The following SAMD12 variants were observed in gnomAD, a reference collection of about 807,000 sequenced individuals.
SAMD12 encodes the protein sterile alpha motif domain-containing protein 12.
SAMD12 carries 9 observed loss-of-function variants against 15.0 expected under a neutral mutation model. The observed-to-expected ratio is 0.60, with a 90% CI of 0.36 to 1.05. The LOEUF (loss-of-function observed/expected upper bound fraction) is 1.05. Among genes scored for constraint, SAMD12 ranks in the 50% least tolerant of loss-of-function variants. SAMD12 has a pLI of 0.01. For missense variants in SAMD12, 230 were observed against 234.2 expected, an observed-to-expected ratio of 0.98 and a Z score of 0.12; for synonymous variants, 86 against 90.1, an observed-to-expected ratio of 0.96 and a Z score of 0.25.
At chr8:118,294,656 A>G (rs1405232478) in intron 4 of SAMD12, among the ~76,000 whole-genome samples, 2 of 152,252 alleles carry the variant, frequency 1.3e-5, no homozygotes, top group Non-Finnish European at 2.9e-5. Flanking sequence ...GAAAACATAA[A>G]AAGTAAAATA....
At chr8:118,359,671 C>T (rs1424752517) in intron 4 of SAMD12, among the ~76,000 whole-genome samples, 1 of 152,154 alleles carries the variant, frequency 6.6e-6, no homozygotes, top group South Asian at 2.1e-4. Flanking sequence ...AATTTAACTT[C>T]TGTGTGCCTC....
intron 1 of SAMD12, among the ~76,000 whole-genome samples, chr8:118,606,959 T>A (rs965543788): frequency 6.6e-6 from 1 of 152,170 alleles, no homozygotes; most frequent in Non-Finnish European, 1.5e-5. Context: ...CAGAGTACCC[T>A]CATGGTACCA....
chr8:118,619,836 T>A (rs1433148450), intron 1 of SAMD12, among the ~76,000 whole-genome samples: 2 of 152,212 alleles, frequency 1.3e-5, no homozygotes, highest in Admixed American at 6.5e-5. Context: ...CCAGAGGAAG[T>A]GACATTTTCC....
At chr8:118,391,500 C>T (rs1398080984) in intron 3 of SAMD12, among the ~76,000 whole-genome samples, 2 of 152,148 alleles carry the variant, frequency 1.3e-5, no homozygotes, top group African/African-American at 4.8e-5. Context: ...TCTTGCCCCT[C>T]AATATTCTAC....
At chr8:118,329,572 T>G (rs752042610) in intron 4 of SAMD12, among the ~76,000 whole-genome samples, 1 of 152,144 alleles carries the variant, frequency 6.6e-6, no homozygotes, top group Non-Finnish European at 1.5e-5. Context: ...ATTATCACTA[T>G]GCTGTACTTG....
intron 2 of SAMD12, among the ~76,000 whole-genome samples, chr8:118,474,443 C>T (rs1051099492): frequency 4.6e-5 from 7 of 151,828 alleles, no homozygotes; most frequent in Middle Eastern, 3.4e-3. Flanking sequence ...TGCAATGGTG[C>T]GATCTCAGCT....
intron 3 of SAMD12, among the ~76,000 whole-genome samples, chr8:118,384,025 C>T (rs949765407): frequency 5.3e-5 from 8 of 151,882 alleles, no homozygotes; most frequent in Non-Finnish European, 7.4e-5. Context: ...CAGACAGGGA[C>T]GCCTATTAAA....
chr8:118,241,767 C>G (rs1812573368), intron 4 of SAMD12, among the ~76,000 whole-genome samples: 1 of 152,080 alleles, frequency 6.6e-6, no homozygotes, highest in Non-Finnish European at 1.5e-5. Context: ...ATGGTATCAA[C>G]AAAGTACTCT....
At chr8:118,374,880 A>C (rs1046182937), downstream of SAMD12, among the ~76,000 whole-genome samples, 8 of 150,108 alleles carry the variant, frequency 5.3e-5, no homozygotes. Context: ...CTGGATATTA[A>C]CCCCTTTTCA....
chr8:118,444,551 T>C (rs76553317), intron 2 of SAMD12, among the ~76,000 whole-genome samples: 9 of 152,006 alleles, frequency 5.9e-5, no homozygotes, highest in East Asian at 5.8e-4. Flanking sequence ...TTTTTTTTTT[T>C]GGTAAATGAT....
intron 4 of SAMD12, among the ~76,000 whole-genome samples, chr8:118,337,392 T>C (rs1817136261): frequency 6.6e-6 from 1 of 152,146 alleles, no homozygotes; most frequent in Non-Finnish European, 1.5e-5. Context: ...AGACCAAGCA[T>C]GCTATCTTGT....
intron 2 of SAMD12, among the ~76,000 whole-genome samples, chr8:118,510,806 A>G (rs1360178462): frequency 2.0e-5 from 3 of 152,244 alleles, no homozygotes; most frequent in Non-Finnish European, 2.9e-5. Flanking sequence ...CAAAGTTCCT[A>G]TCAAGAGCTT....
chr8:118,604,369 T>C (rs1157156167), intron 1 of SAMD12, among the ~76,000 whole-genome samples: 1 of 152,204 alleles, frequency 6.6e-6, no homozygotes, highest in African/African-American at 2.4e-5. Flanking sequence ...AAAATCAGAA[T>C]CCTAATTTAG....
chr8:118,228,611 G>A (rs1812234899), intron 4 of SAMD12, among the ~76,000 whole-genome samples: 1 of 140,982 alleles, frequency 7.1e-6, no homozygotes, highest in African/African-American at 3.0e-5. Context: ...TTGCAAGAAT[G>A]GCCATAATCA....
Position 118,521,106 on chromosome 8 carries a change from G to C in SAMD12, c.192+59609C>G, listed in dbSNP as rs183681479. Among the ~76,000 whole-genome samples the C allele has an allele frequency of 1.3e-3, 197 of 152,222 alleles. 3 individuals are homozygous for C. The highest frequency in any genetic ancestry group is 5.4e-4 in the Non-Finnish European group (37 of 68,002). On this transcript the variant is annotated intron_variant, in intron 2 of 3. Coordinates refer to ENST00000314727, the MANE Select transcript of SAMD12 (RefSeq NM_207506.3). ...AGAATGCCTGTCTGTTTCTTCTTTA[G>C]TCTAAACTAGCATCCTTGTGCATGC... is the stretch of plus-strand genomic sequence containing the variant.
intron 4 of SAMD12, among the ~76,000 whole-genome samples, chr8:118,342,595 G>T (rs553001268): frequency 5.9e-5 from 9 of 152,284 alleles, no homozygotes; most frequent in African/African-American, 2.2e-4. Flanking sequence ...AGATGACGAT[G>T]GAAGTACTGA....
rs139131912 is a variant in SAMD12 at position 118,401,072 on chromosome 8, G to A, written c.323-21372C>T. Among the ~76,000 whole-genome samples the A allele has an allele frequency of 1.5e-3, 223 of 152,288 alleles. 1 individual carries two copies. Among genetic ancestry groups the A allele is most frequent in the African/African-American group, 5.2e-3 (216 of 41,560 alleles). On this transcript the variant is annotated intron_variant, in intron 3 of 3. Transcript: ENST00000314727. ...TACAATGATGTTATAGAATTGTTAG[G>A]TCTAAAACCACAAATTTCTAATTGA...
At chr8:118,608,002 T>C (rs911975426) in intron 1 of SAMD12, among the ~76,000 whole-genome samples, 10 of 152,314 alleles carry the variant, frequency 6.6e-5, no homozygotes, top group Admixed American at 2.6e-4. Flanking sequence ...CTAGGCTAGG[T>C]ATAACCCTTT....
chr8:118,444,676 T>G (rs993766175), intron 2 of SAMD12, among the ~76,000 whole-genome samples: 3 of 152,198 alleles, frequency 2.0e-5, no homozygotes, highest in African/African-American at 7.2e-5. Flanking sequence ...AAGGTAAACT[T>G]GAAGCTTTTC....
Sources: allele counts gnomAD v4.1 joint callset (sites outside exome capture counted in the v4.1 genomes callset), GRCh38; gene constraint gnomAD v4.1.1; transcripts MANE v1.5; gene names NCBI Gene and HGNC (gene_info 2026-07-23, HGNC 2026-07-21).